CYP2C19: variants seen among roughly 807,000 people sequenced by gnomAD.
CYP2C19 encodes cytochrome P450 2C19.
Under a neutral mutation model 40.9 loss-of-function variants are expected in CYP2C19, and 59 were observed. The ratio of observed to expected loss-of-function variants is 1.44; its 90% CI spans 1.17 to 1.79. CYP2C19 has a LOEUF of 1.79. CYP2C19 is among the 40% of genes most tolerant of loss of function. The pLI, the probability that CYP2C19 is intolerant of heterozygous loss-of-function variation, is 0.00. For missense variants in CYP2C19, 754 were observed against 596.9 expected, an observed-to-expected ratio of 1.26 and a Z score of -2.74; for synonymous variants, 253 against 208.7, an observed-to-expected ratio of 1.21 and a Z score of -1.83.
chr10:94,820,551 C>T lies in CYP2C19; in HGVS notation c.875C>T (p.Ala292Val). Residue 292 changes from alanine to valine, a missense_variant, in exon 6 of 9, where the codon GCT becomes GTT. Physicochemically the swap from Ala to Val is moderately conservative, Grantham distance 64. Coordinates refer to ENST00000371321, the MANE Select transcript of CYP2C19 (RefSeq NM_000769.4). The stretch of plus-strand genomic sequence containing the variant: ...ATTGAAAACTTGGTAATCACTGCAG[C>T]TGACTTACTTGGAGCTGGGACAGAG... ...FTIENLVITA[A>V]DLLGAGTETT... 6.2e-7 allele frequency: 1 copy of T among 1,614,164 alleles called. No homozygotes were observed. The highest frequency in any genetic ancestry group is 8.5e-7 in the Non-Finnish European group (1 of 1,180,038).
chr10:94,775,670 T>A (rs1214483768), intron 3 of CYP2C19, 131 bp downstream of exon 3: 8 of 1,513,206 alleles, frequency 5.3e-6, no homozygotes, highest in Non-Finnish European at 7.3e-6. Flanking sequence ...TGAAGCAGGG[T>A]TTGAAGCTGA....
chr10:94,797,203 G>C (rs570613566), intron 5 of CYP2C19, among the ~76,000 whole-genome samples: 1 of 152,042 alleles, frequency 6.6e-6, no homozygotes, highest in African/African-American at 2.4e-5. Context: ...TAGCATGACG[G>C]GTTATTGAAT....
At chr10:94,763,809 G>A (rs148424535) in intron 1 of CYP2C19, among the ~76,000 whole-genome samples, 229 of 152,138 alleles carry the variant, frequency 1.5e-3, no homozygotes, top group African/African-American at 5.2e-3. Flanking sequence ...TGGGTTCTTG[G>A]TCTCGCTGAC....
intron 8 of CYP2C19, among the ~76,000 whole-genome samples, chr10:94,852,226 T>A (rs1849664278): frequency 6.8e-6 from 1 of 147,436 alleles, no homozygotes; most frequent in African/African-American, 2.5e-5. Flanking sequence ...GGGAAGCCAT[T>A]TAAAGTTTTA....
chr10:94,821,660 A>G (rs933605765), intron 6 of CYP2C19, among the ~76,000 whole-genome samples: 1 of 152,198 alleles, frequency 6.6e-6, no homozygotes, highest in Non-Finnish European at 1.5e-5. Context: ...ACTTTCGGTT[A>G]TGCTGCAGAT....
chr10:94,772,433 A>T (rs779809132), intron 1 of CYP2C19, among the ~76,000 whole-genome samples: 1 of 152,158 alleles, frequency 6.6e-6, no homozygotes. Flanking sequence ...GGTTTTTAGA[A>T]GCGGGACTAG....
intron 6 of CYP2C19, among the ~76,000 whole-genome samples, chr10:94,822,590 A>G (rs1370709333): frequency 6.6e-6 from 1 of 152,164 alleles, no homozygotes; most frequent in Non-Finnish European, 1.5e-5. Flanking sequence ...CATATACTCA[A>G]TAGTTGGATT....
chr10:94,820,307 A>T (rs55732648), intron 5 of CYP2C19, among the ~76,000 whole-genome samples, 189 bp from the exon 6 acceptor site: 7,244 of 152,158 alleles, frequency 0.048, 236 homozygotes, highest in South Asian at 0.11. Flanking sequence ...AAAAACTGGA[A>T]GCATTCCCTT....
chr10:94,820,447 A>T (rs199779256), intron 5 of CYP2C19, 49 bp from the exon 6 acceptor site: 1 of 1,604,860 alleles, frequency 6.2e-7, no homozygotes, highest in Non-Finnish European at 8.5e-7. Flanking sequence ...ACTGTCATCA[A>T]ATATGCTGTT....
chr10:94,828,070 A>T (rs1849259992), intron 6 of CYP2C19, among the ~76,000 whole-genome samples: 1 of 151,622 alleles, frequency 6.6e-6, no homozygotes, highest in African/African-American at 2.4e-5. Flanking sequence ...TGCTGAGGAG[A>T]GCTTTACTTC....
In CYP2C19 at chr10:94,842,963, C is replaced by A; in HGVS notation, c.1088C>A (p.Pro363His). The A allele has an allele frequency of 6.2e-7, 1 of 1,614,202 alleles. No homozygotes were observed. Among genetic ancestry groups the A allele is most frequent in the Non-Finnish European group, 8.5e-7 (1 of 1,180,036 alleles). Reference protein sequence around the residue: ...HEVQRYIDLIPTSLPHAVTCD... With the variant: ...HEVQRYIDLIHTSLPHAVTCD... ...GTCCAGAGATACATCGACCTCATCC[C>A]CACCAGCCTGCCCCATGCAGTGACC... is the stretch of plus-strand genomic sequence containing the variant. The change falls in exon 7 of 9, where the codon CCC becomes CAC. Residue 363 changes from proline to histidine, a missense_variant. Pro to His is a moderately conservative substitution (Grantham distance 77). Coordinates refer to ENST00000371321, the MANE Select transcript of CYP2C19 (RefSeq NM_000769.4).
chr10:94,793,342 G>A (rs1848637021), intron 5 of CYP2C19, among the ~76,000 whole-genome samples: 1 of 152,132 alleles, frequency 6.6e-6, no homozygotes, highest in Non-Finnish European at 1.5e-5. Context: ...CCGATCATCT[G>A]AAGCCTTCTT....
At chr10:94,793,633 C>A (rs933563696) in intron 5 of CYP2C19, among the ~76,000 whole-genome samples, 2 of 152,062 alleles carry the variant, frequency 1.3e-5, no homozygotes, top group Admixed American at 6.6e-5. Context: ...CACTCCAGAC[C>A]CTGTTTGCCT....
At chr10:94,773,469 T>A (rs1848363469) in intron 1 of CYP2C19, among the ~76,000 whole-genome samples, 1 of 152,134 alleles carries the variant, frequency 6.6e-6, no homozygotes, top group Non-Finnish European at 1.5e-5. Flanking sequence ...CATCCAGAGT[T>A]GTTCATTCCT....
intron 6 of CYP2C19, among the ~76,000 whole-genome samples, chr10:94,824,541 T>A (rs2134271751): frequency 6.6e-6 from 1 of 152,304 alleles, no homozygotes; most frequent in East Asian, 1.9e-4. Context: ...TATGCGTAAA[T>A]CTGTTAGCAT....
chr10:94,812,142 T>A (rs1424555080), intron 5 of CYP2C19, among the ~76,000 whole-genome samples: 4 of 152,184 alleles, frequency 2.6e-5, no homozygotes, highest in Admixed American at 2.6e-4. Flanking sequence ...GAAGCTTAAT[T>A]TAGCTGGATA....
At chr10:94,812,001 A>T (rs1283133861) in intron 5 of CYP2C19, among the ~76,000 whole-genome samples, 1 of 152,108 alleles carries the variant, frequency 6.6e-6, no homozygotes, top group African/African-American at 2.4e-5. Context: ...ATGTTTTTGC[A>T]GTGGCTGTTC....
intron 5 of CYP2C19, among the ~76,000 whole-genome samples, chr10:94,794,047 G>A (rs1848647929): frequency 6.6e-6 from 1 of 152,122 alleles, no homozygotes; most frequent in Non-Finnish European, 1.5e-5. Flanking sequence ...ACCTACTCAA[G>A]CCTCAGAAGT....
chr10:94,826,353 C>G (rs1849221542), intron 6 of CYP2C19, among the ~76,000 whole-genome samples: 1 of 152,102 alleles, frequency 6.6e-6, no homozygotes, highest in Non-Finnish European at 1.5e-5. Context: ...GTTTGTAGTT[C>G]TCCTTGAAGA....
Sources: gnomAD v4.1 joint callset for allele counts (sites outside exome capture counted in the v4.1 genomes callset) on GRCh38, gnomAD v4.1.1 for gene constraint, MANE v1.5 for transcripts, NCBI Gene and HGNC (gene_info 2026-07-23, HGNC 2026-07-21) for gene names.